DNM3: variants seen among roughly 807,000 people sequenced by gnomAD.
DNM3 encodes the protein dynamin-3.
A neutral mutation model predicts 101.6 loss-of-function variants in DNM3; 47 were observed. The ratio of observed to expected loss-of-function variants is 0.46; its 90% confidence interval spans 0.37 to 0.59. The LOEUF (loss-of-function observed/expected upper bound fraction) is 0.59, where lower values mean the gene tolerates loss of function less well. DNM3 is among the 20% of genes least tolerant of loss of function. The pLI, the probability that DNM3 is intolerant of heterozygous loss-of-function variation, is 0.00. For missense variants in DNM3, 849 were observed against 1,085.7 expected (o/e 0.78, Z 3.06); for synonymous variants, 385 against 387.9 (o/e 0.99, Z 0.09).
intron 13 of DNM3, among the ~76,000 whole-genome samples, chr1:172,100,067 G>A (rs1267066417): frequency 6.6e-6 from 1 of 152,126 alleles, no homozygotes; most frequent in African/African-American, 2.4e-5. Context: ...TCTTTAAGCA[G>A]GAAGTAGAGC....
intron 4 of DNM3, among the ~76,000 whole-genome samples, chr1:171,994,311 A>G (rs889608536): frequency 5.9e-5 from 9 of 152,120 alleles, no homozygotes; most frequent in Non-Finnish European, 1.0e-4. Flanking sequence ...TTCATGAACC[A>G]ATTCTGCAAG....
intron 14 of DNM3, among the ~76,000 whole-genome samples, chr1:172,153,981 A>G (rs571145241): frequency 1.5e-4 from 23 of 152,202 alleles, no homozygotes; most frequent in Admixed American, 9.8e-4. Context: ...TCCAAATAAC[A>G]TATATAGACC....
rs575672044 is a variant in DNM3 at position 172,248,767 on chromosome 1, T to G, written c.1660-4806T>G. ...TTTCATATAGTTTTCTTCATAGAAT[T>G]TTTACTTGATTATCATATATATGTG... On this transcript the variant is annotated intron_variant, in intron 14 of 20. Transcript: ENST00000627582. Among the ~76,000 whole-genome samples, 8 of 152,254 alleles carry G rather than the reference T, an allele frequency of 5.3e-5. No homozygotes were observed. In the South Asian group the frequency reaches 1.7e-3, roughly 32 times the overall value.
chr1:172,382,962 C>G (rs2068996607), intron 18 of DNM3, among the ~76,000 whole-genome samples: 1 of 152,092 alleles, frequency 6.6e-6, no homozygotes, highest in African/African-American at 2.4e-5. Flanking sequence ...AACATGTGCC[C>G]TAGTTTCAAA....
intron 10 of DNM3, 143 bp from the exon 11 acceptor site, chr1:172,068,676 C>T: frequency 1.5e-6 from 1 of 669,444 alleles, no homozygotes; most frequent in South Asian, 1.8e-5. Context: ...CCTTGACATC[C>T]TTCTTTAGGA....
At chr1:172,171,134 A>G (rs990476176) in intron 14 of DNM3, among the ~76,000 whole-genome samples, 7 of 151,702 alleles carry the variant, frequency 4.6e-5, no homozygotes, top group Admixed American at 6.6e-5. Flanking sequence ...AATTGCTCTA[A>G]TAAGTCCAAA....
intron 20 of DNM3, 98 bp from the exon 21 acceptor site, chr1:172,407,674 A>G: frequency 1.6e-6 from 2 of 1,228,844 alleles, no homozygotes; most frequent in Non-Finnish European, 2.4e-6. Flanking sequence ...CTGTATGTGC[A>G]TGAGCATGTG....
chr1:171,859,867 T>C (rs1451640595), intron 1 of DNM3, among the ~76,000 whole-genome samples: 1 of 152,046 alleles, frequency 6.6e-6, no homozygotes, highest in African/African-American at 2.4e-5. Context: ...GAAAAAGCAT[T>C]CCTTGCAGAA....
intron 15 of DNM3, among the ~76,000 whole-genome samples, chr1:172,308,517 T>C (rs1573400403): frequency 1.3e-5 from 2 of 152,294 alleles, no homozygotes; most frequent in African/African-American, 4.8e-5. Flanking sequence ...ACTCTGAGCT[T>C]TGTAATGTGA....
At chr1:171,930,789 A>G (rs1158058591) in intron 2 of DNM3, among the ~76,000 whole-genome samples, 2 of 152,148 alleles carry the variant, frequency 1.3e-5, no homozygotes, top group Admixed American at 1.3e-4. Flanking sequence ...TGCTGTATTT[A>G]CTTGCCCCTT....
chr1:171,934,392 T>C lies in DNM3; in HGVS notation c.235+12571T>C, dbSNP rs181086631. Among the ~76,000 whole-genome samples the C allele has an allele frequency of 1.6e-4, 25 of 152,358 alleles. No homozygotes were observed. The East Asian group carries it at 3.1e-3, about 19-fold the overall frequency. ...CTGTTGAAGTAATTCCACTAATTTATGTTATTTGCATTTCATTGTCTCTGT... is the reference window on the plus strand; with the variant it reads ...CTGTTGAAGTAATTCCACTAATTTACGTTATTTGCATTTCATTGTCTCTGT... On this transcript the variant is annotated intron_variant, in intron 2 of 20. Coordinates refer to ENST00000627582, the MANE Select transcript of DNM3 (RefSeq NM_015569.5).
At chr1:172,255,576 A>T (rs1056329500) in intron 15 of DNM3, among the ~76,000 whole-genome samples, 4 of 152,160 alleles carry the variant, frequency 2.6e-5, no homozygotes, top group African/African-American at 9.6e-5. Context: ...AAGTCACCGA[A>T]ATAAGGAAAC....
chr1:172,304,856 C>T (rs1436740457), intron 15 of DNM3, among the ~76,000 whole-genome samples: 1 of 152,094 alleles, frequency 6.6e-6, no homozygotes, highest in Non-Finnish European at 1.5e-5. Flanking sequence ...CACAACATAC[C>T]AGAATCTCTG....
At chr1:172,138,451 T>C (rs535526061) in intron 14 of DNM3, 1 of 151,936 alleles carries the variant, frequency 6.6e-6, no homozygotes, top group Admixed American at 6.6e-5. Flanking sequence ...AGCATCAGAC[T>C]GAAGTTATAT....
chr1:172,326,981 T>C lies in DNM3; in HGVS notation c.1893+3641T>C, dbSNP rs569069527. 2.0e-4 allele frequency among the ~76,000 whole-genome samples: 31 copies of C among 152,280 alleles called. 1 individual carries two copies. The highest frequency in any genetic ancestry group is 7.5e-4 in the African/African-American group (31 of 41,570). On this transcript the variant is annotated intron_variant, in intron 17 of 20. Coordinates refer to ENST00000627582, the MANE Select transcript of DNM3 (RefSeq NM_015569.5). Reference sequence around the variant, plus strand: ...ACTCTTATATTTTCCCCCACAGAATTTAAGGCTGACTGTATTGCTTAGAGA... The same window carrying C: ...ACTCTTATATTTTCCCCCACAGAATCTAAGGCTGACTGTATTGCTTAGAGA...
At chr1:172,260,271 G>T (rs538265197) in intron 15 of DNM3, among the ~76,000 whole-genome samples, 28 of 151,984 alleles carry the variant, frequency 1.8e-4, no homozygotes, top group African/African-American at 6.0e-4. Context: ...CTTTGTCTTT[G>T]ATTTTTGAGT....
intron 14 of DNM3, among the ~76,000 whole-genome samples, chr1:172,222,697 G>T (rs1398436509): frequency 1.3e-5 from 2 of 152,042 alleles, no homozygotes; most frequent in Non-Finnish European, 2.9e-5. Flanking sequence ...TTGTTTTGTT[G>T]AATTTTATTA....
At chr1:172,114,323 G>A (rs1191816666) in intron 13 of DNM3, among the ~76,000 whole-genome samples, 1 of 152,182 alleles carries the variant, frequency 6.6e-6, no homozygotes, top group Non-Finnish European at 1.5e-5. Context: ...CCAAAAGATA[G>A]CCAGTGCGGC....
At chr1:172,008,879 T>C (rs1289032069) in intron 4 of DNM3, among the ~76,000 whole-genome samples, 7 of 139,400 alleles carry the variant, frequency 5.0e-5, no homozygotes, top group Non-Finnish European at 6.1e-5. Context: ...ATAATATTAA[T>C]ATATTATATT....
Sources: allele counts gnomAD v4.1 joint callset (sites outside exome capture counted in the v4.1 genomes callset), GRCh38; gene constraint gnomAD v4.1.1; transcripts MANE v1.5; gene names NCBI Gene and HGNC (gene_info 2026-07-23, HGNC 2026-07-21).